Variants in AOAH observed in about 807,000 individuals in gnomAD.
The protein encoded by AOAH is acyloxyacyl hydrolase (neutrophil).
Under a neutral mutation model 92.2 loss-of-function variants are expected in AOAH, and 64 were observed. That is an observed-to-expected ratio of 0.69 (90% CI 0.57 to 0.86). The LOEUF (loss-of-function observed/expected upper bound fraction) is 0.86. AOAH is among the 40% of genes least tolerant of loss of function. The pLI is 0.00. For missense variants in AOAH, 656 were observed against 694.6 expected (o/e 0.94, Z 0.62); for synonymous variants, 263 against 254.5 (o/e 1.03, Z -0.32).
At chr7:36,562,601 G>A (rs1787355336) in intron 13 of AOAH, among the ~76,000 whole-genome samples, 1 of 152,174 alleles carries the variant, frequency 6.6e-6, no homozygotes, top group African/African-American at 2.4e-5. Context: ...ATAAGGTGCA[G>A]GGCATTGAAA....
intron 1 of AOAH, among the ~76,000 whole-genome samples, chr7:36,712,246 A>C (rs1166078827): frequency 2.0e-5 from 3 of 152,206 alleles, no homozygotes; most frequent in African/African-American, 7.2e-5. Context: ...CAAACTATGA[A>C]GTCATCGTGA....
chr7:36,709,736 T>G (rs1348647521), intron 1 of AOAH, among the ~76,000 whole-genome samples: 3 of 152,124 alleles, frequency 2.0e-5, no homozygotes, highest in Non-Finnish European at 2.9e-5. Context: ...TTCCTAACAT[T>G]GAAAAACAAC....
chr7:36,635,358 G>A (rs931427693), intron 5 of AOAH, among the ~76,000 whole-genome samples: 2 of 152,140 alleles, frequency 1.3e-5, no homozygotes, highest in Non-Finnish European at 2.9e-5. Context: ...AACAACAAAC[G>A]GGTTGAATAA....
chr7:36,573,569 A>T lies in AOAH; in HGVS notation c.1021+3005T>A, dbSNP rs1442029815. On this transcript the variant is annotated intron_variant, in intron 13 of 20. Transcript: ENST00000617537. ...CCTGTCTCTACTAAAAATACAAAAA[A>T]TAGCTGAGCGTGGTGGCATGTGCCT... Among the ~76,000 whole-genome samples, 2 of 152,000 alleles carry T rather than the reference A, an allele frequency of 1.3e-5. 1 individual carries two copies. The highest frequency in any genetic ancestry group is 2.9e-5 in the Non-Finnish European group (2 of 67,976).
At chr7:36,514,344 C>G (rs1008955507) in intron 20 of AOAH, 2 of 680,178 alleles carry the variant, frequency 2.9e-6, no homozygotes, top group Admixed American at 5.1e-5. Flanking sequence ...CTGGCTGGGT[C>G]CCTGACTGGG....
At chr7:36,723,555 C>G (rs755925462) in intron 1 of AOAH, among the ~76,000 whole-genome samples, 1 of 152,130 alleles carries the variant, frequency 6.6e-6, no homozygotes, top group Admixed American at 6.6e-5. Context: ...ATGGGTCTCA[C>G]TCACTTCAGT....
chr7:36,528,098 CTG>C (rs1214294533), intron 19 of AOAH, among the ~76,000 whole-genome samples: 1 of 152,186 alleles, frequency 6.6e-6, no homozygotes, highest in Non-Finnish European at 1.5e-5. Flanking sequence ...AGTGGTCTCA[CTG>C]TGCCCACATG....
chr7:36,576,529 T>A, intron 13 of AOAH, 45 bp downstream of exon 13: 1 of 1,135,664 alleles, frequency 8.8e-7, no homozygotes. Flanking sequence ...ATAAACTCAA[T>A]CATTACAGGA....
chr7:36,695,137 C>T (rs1797634406), intron 1 of AOAH, among the ~76,000 whole-genome samples: 1 of 151,972 alleles, frequency 6.6e-6, no homozygotes, highest in African/African-American at 2.4e-5. Flanking sequence ...AGAAGAAGAT[C>T]CAAAGCCCAC....
chr7:36,581,320 C>T (rs532201112), intron 12 of AOAH, among the ~76,000 whole-genome samples: 5 of 152,296 alleles, frequency 3.3e-5, no homozygotes, highest in African/African-American at 1.2e-4. Context: ...CGTTTTGTGG[C>T]TGTTGGCTCT....
chr7:36,628,360 T>A (rs1048766193), intron 6 of AOAH, among the ~76,000 whole-genome samples: 1 of 152,322 alleles, frequency 6.6e-6, no homozygotes, highest in East Asian at 1.9e-4. Flanking sequence ...GGTATCCTGA[T>A]TAAAACAGAA....
chr7:36,524,331 C>G (rs971127314), intron 19 of AOAH, among the ~76,000 whole-genome samples: 8 of 151,874 alleles, frequency 5.3e-5, no homozygotes, highest in African/African-American at 1.9e-4. Context: ...GATGGAGCCC[C>G]CATCATGGAA....
At chr7:36,535,040 G>GTGTGTGTGTC (rs1784945554) in intron 16 of AOAH, among the ~76,000 whole-genome samples, 2 of 89,744 alleles carry the variant, frequency 2.2e-5, no homozygotes, top group African/African-American at 4.9e-5. Flanking sequence ...GTGTGTCTGT[G>GTGTGTGTGTC]TGTGTGTATG....
intron 17 of AOAH, 28 bp downstream of exon 17, chr7:36,532,258 G>A: frequency 6.2e-7 from 1 of 1,614,124 alleles, no homozygotes; most frequent in Non-Finnish European, 8.5e-7. Flanking sequence ...AGGTAAGCGG[G>A]CCTTGAAGCA....
At chr7:36,719,084 T>TA (rs1180059095) in intron 1 of AOAH, among the ~76,000 whole-genome samples, 1 of 152,232 alleles carries the variant, frequency 6.6e-6, no homozygotes, top group African/African-American at 2.4e-5. Flanking sequence ...ACAAGTTACT[T>TA]ATTTCTGTCT....
Position 36,562,320 on chromosome 7 carries a change from C to T in AOAH, c.1022-12845G>A, listed in dbSNP as rs1327478655. On this transcript the variant is annotated intron_variant, in intron 13 of 20. Transcript: ENST00000617537. Reference sequence around the variant, plus strand: ...GCTGCTGTTATCATTAGAGAAAATACGGACTGCAGCAAGAAAAGATAGATA... The same window carrying T: ...GCTGCTGTTATCATTAGAGAAAATATGGACTGCAGCAAGAAAAGATAGATA... 5.3e-5 allele frequency among the ~76,000 whole-genome samples: 8 copies of T among 152,270 alleles called. 1 individual carries two copies. In the South Asian group the frequency reaches 1.0e-3, roughly 20 times the overall value.
At chr7:36,630,655 G>A (rs756585035) in intron 6 of AOAH, among the ~76,000 whole-genome samples, 13 of 152,160 alleles carry the variant, frequency 8.5e-5, no homozygotes, top group Non-Finnish European at 1.8e-4. Flanking sequence ...ATTTTAAAAC[G>A]TTTCAAGATG....
chr7:36,720,892 C>CT (rs1799585931), intron 1 of AOAH, among the ~76,000 whole-genome samples: 1 of 152,114 alleles, frequency 6.6e-6, no homozygotes, highest in African/African-American at 2.4e-5. Flanking sequence ...TGTAACCCTG[C>CT]TTTTTGTCAG....
intron 14 of AOAH, 46 bp downstream of exon 14, chr7:36,549,393 C>T: frequency 6.9e-7 from 1 of 1,439,610 alleles, no homozygotes; most frequent in African/African-American, 1.4e-5. Context: ...ATTCCTTATT[C>T]AAAATGAGAA....
Sources: allele counts gnomAD v4.1 joint callset (sites outside exome capture counted in the v4.1 genomes callset), GRCh38; gene constraint gnomAD v4.1.1; transcripts MANE v1.5; gene names NCBI Gene and HGNC (gene_info 2026-07-23, HGNC 2026-07-21).